SLC24A2: variants seen among roughly 807,000 people sequenced by gnomAD.
SLC24A2 encodes the protein solute carrier family 24 member 2, also known as sodium/potassium/calcium exchanger 2.
SLC24A2 carries 36 observed loss-of-function variants against 62.0 expected under a neutral mutation model. The ratio of observed to expected loss-of-function variants is 0.58; its 90% CI spans 0.44 to 0.77. SLC24A2 has a LOEUF of 0.77. Among genes scored for constraint, SLC24A2 ranks in the 30% least tolerant of loss-of-function variants. The pLI is 0.00. For synonymous variants in SLC24A2, 358 were observed against 294.0 expected (o/e 1.22, Z -2.23); for missense variants, 846 against 817.9 (o/e 1.03, Z -0.42).
the SLC24A2 span, among the ~76,000 whole-genome samples, chr9:19,834,123 G>T: frequency 1.3e-5 from 2 of 152,042 alleles, no homozygotes; most frequent in African/African-American, 4.8e-5. Flanking sequence ...ACAAAGATAG[G>T]GAAAAAACAG....
At chr9:20,199,413 C>T in the SLC24A2 span, among the ~76,000 whole-genome samples, 10 of 152,248 alleles carry the variant, frequency 6.6e-5, no homozygotes, top group Admixed American at 3.3e-4. Context: ...AAGCAGAGAG[C>T]GGCTTAATAA....
chr9:20,169,920 T>A, the SLC24A2 span, among the ~76,000 whole-genome samples: 1 of 151,694 alleles, frequency 6.6e-6, no homozygotes, highest in African/African-American at 2.4e-5. Context: ...CCAGTTTAAA[T>A]AAATCAAAAA....
chr9:19,785,909 C>G (rs1221961419), intron 2 of SLC24A2, 28 bp downstream of exon 2: 1 of 1,614,000 alleles, frequency 6.2e-7, no homozygotes, highest in African/African-American at 1.3e-5. Context: ...TCAAGAAAAG[C>G]ATTAAATAAA....
chr9:19,545,490 C>G (rs548588503), intron 8 of SLC24A2, among the ~76,000 whole-genome samples: 1 of 151,980 alleles, frequency 6.6e-6, no homozygotes, highest in South Asian at 2.1e-4. Flanking sequence ...AGTTGTCATC[C>G]TTGAGAAGAG....
the SLC24A2 span, among the ~76,000 whole-genome samples, chr9:20,229,782 TGCA>T: frequency 1.3e-5 from 2 of 152,138 alleles, no homozygotes; most frequent in Admixed American, 1.3e-4. Flanking sequence ...GTGCACAACG[TGCA>T]GGTTTGTTAC....
At chr9:19,681,250 T>G (rs1327547493) in intron 2 of SLC24A2, among the ~76,000 whole-genome samples, 2 of 152,068 alleles carry the variant, frequency 1.3e-5, no homozygotes, top group East Asian at 3.9e-4. Flanking sequence ...ACACTAGCTA[T>G]CCACATAGAT....
At chr9:20,002,735 T>G in the SLC24A2 span, among the ~76,000 whole-genome samples, 1 of 152,314 alleles carries the variant, frequency 6.6e-6, no homozygotes, top group South Asian at 2.1e-4. Context: ...GTTTGTCTTC[T>G]TCCATATATA....
the SLC24A2 span, among the ~76,000 whole-genome samples, chr9:20,261,811 C>T: frequency 7.8e-6 from 1 of 127,708 alleles, no homozygotes; most frequent in Non-Finnish European, 1.5e-5. Context: ...ACGATCTCGG[C>T]TCACTGCAAG....
chr9:19,982,611 G>T, the SLC24A2 span, among the ~76,000 whole-genome samples: 1 of 152,116 alleles, frequency 6.6e-6, no homozygotes, highest in Non-Finnish European at 1.5e-5. Flanking sequence ...GACATTTAAG[G>T]AAAAATTAAT....
At chr9:20,251,377 A>G in the SLC24A2 span, among the ~76,000 whole-genome samples, 3 of 152,128 alleles carry the variant, frequency 2.0e-5, no homozygotes, top group Non-Finnish European at 4.4e-5. Flanking sequence ...AACATTTCAA[A>G]CGAGTAAACT....
the SLC24A2 span, among the ~76,000 whole-genome samples, chr9:19,987,724 G>C: frequency 6.6e-6 from 1 of 152,186 alleles, no homozygotes; most frequent in African/African-American, 2.4e-5. Context: ...CTGTTAGCCT[G>C]ATAATCCTGC....
the SLC24A2 span, among the ~76,000 whole-genome samples, chr9:20,090,373 G>A: frequency 3.3e-5 from 5 of 152,256 alleles, no homozygotes; most frequent in South Asian, 1.0e-3. Context: ...AGCTGTCGTG[G>A]GTAGCCTGGG....
At chr9:20,124,393 A>G in the SLC24A2 span, among the ~76,000 whole-genome samples, 1 of 152,214 alleles carries the variant, frequency 6.6e-6, no homozygotes, top group Non-Finnish European at 1.5e-5. Flanking sequence ...AGAAGAAGAA[A>G]AAAGTTTTGG....
chr9:19,837,656 T>C, the SLC24A2 span, among the ~76,000 whole-genome samples: 2 of 152,000 alleles, frequency 1.3e-5, no homozygotes, highest in Non-Finnish European at 2.9e-5. Context: ...CATAATTGTA[T>C]ATCTAGAAAA....
the SLC24A2 span, among the ~76,000 whole-genome samples, chr9:19,974,990 G>A: frequency 1.5e-4 from 23 of 152,262 alleles, no homozygotes; most frequent in Admixed American, 2.6e-4. Flanking sequence ...TATCAGGTAG[G>A]AAAATCTTTC....
At chr9:19,630,833 T>A (rs1265623527) in intron 2 of SLC24A2, among the ~76,000 whole-genome samples, 1 of 152,180 alleles carries the variant, frequency 6.6e-6, no homozygotes, top group Non-Finnish European at 1.5e-5. Flanking sequence ...CATACAACAC[T>A]TTCCGTTGAA....
chr9:19,515,980 C>T lies in SLC24A2; in HGVS notation c.*173G>A. On this transcript the variant is annotated 3_prime_UTR_variant, in exon 11 of 11. Coordinates refer to ENST00000341998, the MANE Select transcript of SLC24A2 (RefSeq NM_020344.4). Reference sequence around the variant, plus strand: ...ATTTCAGTAGGCAGGGTGGAAGCAGCCTGTGAAGTGAATGGGCCCAGTGTG... The same window carrying T: ...ATTTCAGTAGGCAGGGTGGAAGCAGTCTGTGAAGTGAATGGGCCCAGTGTG... 1 of 804,354 alleles carries T rather than the reference C, an allele frequency of 1.2e-6. No individual in the cohort carries two copies. Among genetic ancestry groups the T allele is most frequent in the Non-Finnish European group, 2.1e-6 (1 of 469,212 alleles). The allele number at this position is 804,354 out of a possible 1,614,324, so 49.8% of individuals were successfully genotyped here.
chr9:20,160,492 C>T, the SLC24A2 span, among the ~76,000 whole-genome samples: 432 of 151,418 alleles, frequency 2.9e-3, 1 homozygote, highest in Admixed American at 4.8e-3. Flanking sequence ...ATACCTTCTT[C>T]TCAAGTACAT....
At chr9:20,113,659 T>C in the SLC24A2 span, among the ~76,000 whole-genome samples, 3 of 152,198 alleles carry the variant, frequency 2.0e-5, no homozygotes. Context: ...TCATTTTTTT[T>C]CTCTGAACAC....
Sources: allele counts gnomAD v4.1 joint callset (sites outside exome capture counted in the v4.1 genomes callset), GRCh38; gene constraint gnomAD v4.1.1; transcripts MANE v1.5; gene names NCBI Gene and HGNC (gene_info 2026-07-23, HGNC 2026-07-21).